Variants in ARHGEF3 observed in about 807,000 individuals in gnomAD.
ARHGEF3 encodes the protein 59.8 kDA protein.
Under a neutral mutation model 63.2 loss-of-function variants are expected in ARHGEF3, and 28 were observed. That is an observed-to-expected ratio of 0.44 (90% confidence interval 0.33 to 0.61). The LOEUF (loss-of-function observed/expected upper bound fraction) is 0.61, where lower values mean the gene tolerates loss of function less well. ARHGEF3 is among the 20% of genes least tolerant of loss of function. ARHGEF3 has a pLI of 0.03. For synonymous variants in ARHGEF3, 266 were observed against 254.2 expected, an observed-to-expected ratio of 1.05 and a Z score of -0.44; for missense variants, 533 against 659.3, an observed-to-expected ratio of 0.81 and a Z score of 2.10.
intron 2 of ARHGEF3, among the ~76,000 whole-genome samples, chr3:57,021,882 A>G (rs1703274803): frequency 6.6e-6 from 1 of 152,182 alleles, no homozygotes; most frequent in Non-Finnish European, 1.5e-5. Context: ...ATATGTCTGG[A>G]AAAATCCCTC....
intron 3 of ARHGEF3, among the ~76,000 whole-genome samples, chr3:56,918,523 G>A (rs1362621389): frequency 6.6e-6 from 1 of 152,160 alleles, no homozygotes; most frequent in Non-Finnish European, 1.5e-5. Flanking sequence ...CAGTGGAGCA[G>A]GGAGGGGCAG....
intron 4 of ARHGEF3, among the ~76,000 whole-genome samples, chr3:56,825,688 A>G (rs546938872): frequency 1.3e-5 from 2 of 152,178 alleles, no homozygotes; most frequent in Non-Finnish European, 2.9e-5. Flanking sequence ...CATCTACTCT[A>G]TTCAAGACTT....
intron 1 of ARHGEF3, among the ~76,000 whole-genome samples, chr3:56,794,726 C>A (rs2037261912): frequency 6.6e-6 from 1 of 152,160 alleles, no homozygotes; most frequent in Non-Finnish European, 1.5e-5. Flanking sequence ...CATCCTCTTA[C>A]ACTTTAAATC....
intron 6 of ARHGEF3, among the ~76,000 whole-genome samples, chr3:56,748,971 G>A (rs941278063): frequency 1.4e-5 from 2 of 140,962 alleles, no homozygotes; most frequent in Non-Finnish European, 1.5e-5. Context: ...TTCATGGGTC[G>A]AATGGGACTC....
intron 4 of ARHGEF3, among the ~76,000 whole-genome samples, chr3:56,831,686 T>C (rs1054711653): frequency 6.6e-6 from 1 of 152,266 alleles, no homozygotes; most frequent in Non-Finnish European, 1.5e-5. Context: ...TCAGTTATTA[T>C]GAGGCCTGGT....
chr3:56,991,580 T>A (rs1460181237), intron 2 of ARHGEF3, among the ~76,000 whole-genome samples: 3 of 152,212 alleles, frequency 2.0e-5, no homozygotes, highest in African/African-American at 7.2e-5. Flanking sequence ...TCTCAAAGGT[T>A]ACAGTGTTAT....
At chr3:56,927,338 C>T (rs2042300301) in intron 3 of ARHGEF3, among the ~76,000 whole-genome samples, 1 of 152,132 alleles carries the variant, frequency 6.6e-6, no homozygotes. Flanking sequence ...GGATAATAAG[C>T]CCCCATGTGG....
At chr3:56,757,395 A>G (rs572117275) in intron 2 of ARHGEF3, among the ~76,000 whole-genome samples, 35 of 151,588 alleles carry the variant, frequency 2.3e-4, no homozygotes, top group Non-Finnish European at 4.4e-4. Context: ...AATCGCTTGA[A>G]CCCAGGAGGC....
intron 1 of ARHGEF3, among the ~76,000 whole-genome samples, chr3:57,043,283 A>C (rs1052483256): frequency 2.6e-5 from 4 of 151,568 alleles, no homozygotes; most frequent in Non-Finnish European, 2.9e-5. Context: ...TGCCCGGCTA[A>C]TTTTTGTATT....
At chr3:56,773,952 C>T (rs1162205710) in intron 1 of ARHGEF3, 136 bp from the exon 2 acceptor site, 3 of 698,730 alleles carry the variant, frequency 4.3e-6, no homozygotes, top group African/African-American at 3.8e-5. Flanking sequence ...TGTCACGTCT[C>T]ACTCTGGCTG....
chr3:56,957,327 A>G (rs1700087183), intron 3 of ARHGEF3, among the ~76,000 whole-genome samples: 1 of 152,252 alleles, frequency 6.6e-6, no homozygotes, highest in Admixed American at 6.5e-5. Flanking sequence ...AAGATTTTAA[A>G]GTGTGAATAG....
intron 3 of ARHGEF3, among the ~76,000 whole-genome samples, chr3:56,932,664 T>C (rs556092344): frequency 6.6e-6 from 1 of 152,312 alleles, no homozygotes; most frequent in East Asian, 1.9e-4. Flanking sequence ...CGTGGAATTA[T>C]TGGGCCAATA....
chr3:57,030,323 A>G (rs1371150547), intron 2 of ARHGEF3, among the ~76,000 whole-genome samples: 1 of 152,210 alleles, frequency 6.6e-6, no homozygotes, highest in Non-Finnish European at 1.5e-5. Context: ...TGCTCAACAC[A>G]TACGGAAGAG....
intron 4 of ARHGEF3, among the ~76,000 whole-genome samples, chr3:56,808,174 A>C (rs963571798): frequency 6.6e-6 from 1 of 152,074 alleles, no homozygotes; most frequent in African/African-American, 2.4e-5. Flanking sequence ...GGAAGGCTTA[A>C]TTCTTGCATT....
At chr3:57,056,601 C>G (rs184311804) in intron 1 of ARHGEF3, among the ~76,000 whole-genome samples, 1 of 151,876 alleles carries the variant, frequency 6.6e-6, no homozygotes, top group African/African-American at 2.4e-5. Flanking sequence ...GGAGGCATGA[C>G]GAGGAGTGGA....
chr3:56,907,515 G>C (rs1468519257), intron 3 of ARHGEF3, among the ~76,000 whole-genome samples: 1 of 152,134 alleles, frequency 6.6e-6, no homozygotes. Context: ...TCCCATTACT[G>C]GGTATATACC....
At chr3:56,984,732 T>C (rs1270094495) in intron 2 of ARHGEF3, among the ~76,000 whole-genome samples, 2 of 152,166 alleles carry the variant, frequency 1.3e-5, no homozygotes, top group South Asian at 2.1e-4. Flanking sequence ...TCCCTAGAGT[T>C]TTCTAGATTA....
chr3:56,759,958 T>C (rs893437718), intron 2 of ARHGEF3, among the ~76,000 whole-genome samples: 1 of 152,228 alleles, frequency 6.6e-6, no homozygotes, highest in African/African-American at 2.4e-5. Flanking sequence ...CAAATTCACG[T>C]ATTCTTTTTA....
chr3:56,846,181 T>G (rs916470939), intron 4 of ARHGEF3, among the ~76,000 whole-genome samples: 1 of 152,234 alleles, frequency 6.6e-6, no homozygotes, highest in African/African-American at 2.4e-5. Context: ...TCCATAACAA[T>G]TCCTTCTTCA....
Sources: gnomAD v4.1 joint callset for allele counts (sites outside exome capture counted in the v4.1 genomes callset) on GRCh38, gnomAD v4.1.1 for gene constraint, MANE v1.5 for transcripts, NCBI Gene and HGNC (gene_info 2026-07-23, HGNC 2026-07-21) for gene names.